Variants in RPRD2 observed in about 807,000 individuals in gnomAD.
RPRD2 encodes the protein regulation of nuclear pre-mRNA domain-containing protein 2.
In RPRD2, 12 loss-of-function variants were observed where a neutral mutation model predicts 104.4. The ratio of observed to expected loss-of-function variants is 0.11; its 90% CI spans 0.07 to 0.19. The LOEUF (loss-of-function observed/expected upper bound fraction) is 0.19. Ranked by LOEUF, RPRD2 falls within the 10% of genes least tolerant of loss-of-function variation. The pLI is 1.00. For missense variants in RPRD2, 1,543 were observed against 1,790.1 expected (o/e 0.86, Z 2.49); for synonymous variants, 714 against 684.9 (o/e 1.04, Z -0.66).
chr1:150,395,250 T>C (rs782619510), intron 1 of RPRD2, among the ~76,000 whole-genome samples: 3 of 152,292 alleles, frequency 2.0e-5, no homozygotes, highest in Non-Finnish European at 4.4e-5. Context: ...TGAGAACATA[T>C]GATGTTTGGT....
chr1:150,431,199 AT>A (rs1665543483), intron 2 of RPRD2, among the ~76,000 whole-genome samples: 1 of 152,174 alleles, frequency 6.6e-6, no homozygotes, highest in Non-Finnish European at 1.5e-5. Flanking sequence ...TCTTGTAGTA[AT>A]GTAAAATGGT....
At chr1:150,450,626 AAGTT>A (rs1667099843) in intron 7 of RPRD2, among the ~76,000 whole-genome samples, 4 of 142,082 alleles carry the variant, frequency 2.8e-5, no homozygotes, top group South Asian at 4.4e-4. Flanking sequence ...AAAAAAAAAA[AAGTT>A]ATTTATTTAG....
In RPRD2 at chr1:150,470,773, G is replaced by C; in HGVS notation, c.1825G>C (p.Ala609Pro). The C allele has an allele frequency of 6.2e-7, 1 of 1,613,988 alleles. No homozygotes were observed. Among genetic ancestry groups the C allele is most frequent in the Non-Finnish European group, 8.5e-7 (1 of 1,179,898 alleles). ...SEVSSTSASK[A>P]SIGQSPGLPS... ...AGTCTCTTCAACTTCAGCCAGCAAG[G>C]CCTCAATTGGGCAAAGCCCAGGGCT... The change falls in exon 11 of 11, where the codon GCC becomes CCC. Residue 609 changes from alanine (A) to proline (P), a missense_variant. Coordinates refer to ENST00000369068, the MANE Select transcript of RPRD2 (RefSeq NM_015203.5).
At position 150,473,409 on chromosome 1, in the gene RPRD2, T is replaced by G. The variant is rs1438953359; in HGVS notation, c.*75T>G. ...AGGAGTTTGGTTTATTGTTGTTGTT[T>G]TTATTTGTTTTCTCTTTCTCGATTT... On this transcript the variant is annotated 3_prime_UTR_variant, in exon 11 of 11. Coordinates refer to ENST00000369068, the MANE Select transcript of RPRD2 (RefSeq NM_015203.5). 7.1e-7 allele frequency: 1 copy of G among 1,413,296 alleles called. No homozygotes were observed. The highest frequency in any genetic ancestry group is 1.6e-5 in the South Asian group (1 of 63,622). The allele number at this position is 1,413,296 out of a possible 1,614,324, so 87.5% of individuals were successfully genotyped here.
chr1:150,408,270 T>G (rs1572413778), intron 1 of RPRD2, among the ~76,000 whole-genome samples: 1 of 146,784 alleles, frequency 6.8e-6, no homozygotes, highest in Non-Finnish European at 1.5e-5. Context: ...GTTCAAGCGA[T>G]TCTCCTGCCT....
rs587597121 is a variant in RPRD2 at position 150,459,686 on chromosome 1, G to A, written c.1154-374G>A. ...CGGCTCATTGCAACCTCTGCCTCCT[G>A]GGTTCAAGCGATTCTCGTGTCTCAG... On this transcript the variant is annotated intron_variant, in intron 8 of 10. Coordinates refer to ENST00000369068, the MANE Select transcript of RPRD2 (RefSeq NM_015203.5). Among the ~76,000 whole-genome samples the A allele has an allele frequency of 1.0e-4, 15 of 150,432 alleles. No individual in the cohort carries two copies. In the South Asian group the frequency reaches 3.1e-3, roughly 31 times the overall value.
At chr1:150,423,449 G>A (rs1249423405) in intron 2 of RPRD2, among the ~76,000 whole-genome samples, 1 of 152,034 alleles carries the variant, frequency 6.6e-6, no homozygotes, top group Non-Finnish European at 1.5e-5. Flanking sequence ...GCAATTATTT[G>A]TGCTTATACA....
At chr1:150,389,586 T>G (rs1413217321) in intron 1 of RPRD2, among the ~76,000 whole-genome samples, 1 of 152,214 alleles carries the variant, frequency 6.6e-6, no homozygotes, top group African/African-American at 2.4e-5. Context: ...CTGAGATAGT[T>G]TTTTTCAGAT....
intron 1 of RPRD2, among the ~76,000 whole-genome samples, chr1:150,391,875 T>C (rs1662099227): frequency 6.6e-6 from 1 of 151,840 alleles, no homozygotes. Context: ...ACCACTGCAC[T>C]CCAGCCTGGG....
intron 6 of RPRD2, 44 bp downstream of exon 6, chr1:150,444,421 T>C: frequency 6.3e-7 from 1 of 1,590,166 alleles, no homozygotes; most frequent in South Asian, 1.1e-5. Flanking sequence ...TTTCTTTCCA[T>C]ATGTGTCATT....
chr1:150,396,182 A>T (rs1331611767), intron 1 of RPRD2, among the ~76,000 whole-genome samples: 2 of 143,814 alleles, frequency 1.4e-5, no homozygotes, highest in South Asian at 2.2e-4. Context: ...TCACTTTTTG[A>T]TGGGATCGTC....
At chr1:150,422,898 G>A (rs1664864164) in intron 2 of RPRD2, among the ~76,000 whole-genome samples, 1 of 152,064 alleles carries the variant, frequency 6.6e-6, no homozygotes, top group Non-Finnish European at 1.5e-5. Context: ...AGGGAAAGTA[G>A]GACTTTCAGA....
At position 150,369,433 on chromosome 1, in the gene RPRD2, C is replaced by A. The variant is rs587636826; in HGVS notation, c.205+4514C>A. Among the ~76,000 whole-genome samples the A allele has an allele frequency of 1.6e-3, 235 of 144,054 alleles. 1 individual carries two copies. The highest frequency in any genetic ancestry group is 5.8e-3 in the African/African-American group (222 of 38,328). 94.5% of individuals were successfully genotyped at this position (144,054 alleles called of 152,430 possible). A position where few individuals can be genotyped will look rare whatever the true frequency, so the allele number is the denominator to read the frequency against. The stretch of plus-strand genomic sequence containing the variant: ...GAGTAGCTGGAACCATGCCACCACA[C>A]CTGGCTAATTTTTTTTTTTTTTTTT... On this transcript the variant is annotated intron_variant, in intron 1 of 10. Transcript: ENST00000369068.
At position 150,365,007 on chromosome 1, in the gene RPRD2, G is replaced by A. The variant is rs186648273; in HGVS notation, c.205+88G>A. 294 of 1,360,650 alleles carry A rather than the reference G, an allele frequency of 2.2e-4. No individual in the cohort carries two copies. In the African/African-American group the frequency reaches 3.6e-3, roughly 17 times the overall value. 84.3% of individuals were successfully genotyped at this position (1,360,650 alleles called of 1,614,324 possible). ...ACGCTTGGGGTTTTCCCACGGAGCC[G>A]CAGCATTTGGTTGGGGTTGTTCACA... On this transcript the variant is annotated intron_variant, in intron 1 of 10. Coordinates refer to ENST00000369068, the MANE Select transcript of RPRD2 (RefSeq NM_015203.5).
chr1:150,387,911 C>CTTT (rs1224608397), intron 1 of RPRD2, among the ~76,000 whole-genome samples: 2 of 116,966 alleles, frequency 1.7e-5, no homozygotes, highest in Non-Finnish European at 3.4e-5. Context: ...TTTTTCTTTT[C>CTTT]TCTTTTTTTT....
At position 150,376,684 on chromosome 1, in the gene RPRD2, T is replaced by C. The variant is rs782055867; in HGVS notation, c.205+11765T>C. On this transcript the variant is annotated intron_variant, in intron 1 of 10. Coordinates refer to ENST00000369068, the MANE Select transcript of RPRD2 (RefSeq NM_015203.5). ...CCCGGCTGATTTTTTGTATTTTTAG[T>C]AGAGAAGGGGTTTCACCGTGTTAGC... Among the ~76,000 whole-genome samples, 11 of 151,304 alleles carry C rather than the reference T, an allele frequency of 7.3e-5. 1 individual carries two copies. Among genetic ancestry groups the C allele is most frequent in the African/African-American group, 2.7e-4 (11 of 41,336 alleles).
chr1:150,474,714 C>G lies in RPRD2; in HGVS notation c.*1380C>G, dbSNP rs1273569497. ...CTACAATTTTTTTTTAATTTAGTGT[C>G]TTACCCCAAGGCATACTCAACTGAT... On this transcript the variant is annotated 3_prime_UTR_variant, in exon 11 of 11. Transcript: ENST00000369068. 1 of 152,046 alleles carries G rather than the reference C, an allele frequency of 6.6e-6. No individual in the cohort carries two copies. 9.4% of individuals were successfully genotyped at this position (152,046 alleles called of 1,614,324 possible).
chr1:150,424,580 G>C (rs12144091), intron 2 of RPRD2, among the ~76,000 whole-genome samples: 33,750 of 151,936 alleles, frequency 0.22, 4,264 homozygotes, highest in African/African-American at 0.32. Flanking sequence ...GCTACCGCAC[G>C]CGGCCCAGAT....
In RPRD2 at chr1:150,472,483, G is replaced by A. The variant is rs200264075; in HGVS notation, c.3535G>A (p.Gly1179Ser). 1.4e-4 allele frequency: 227 copies of A among 1,613,896 alleles called. No homozygotes were observed. The East Asian group carries it at 3.6e-3, about 25-fold the overall frequency. Residue 1179 changes from glycine (G) to serine (S), a missense_variant, in exon 11 of 11, where the codon GGC becomes AGC. Gly to Ser is a moderately conservative substitution (Grantham distance 56). Transcript: ENST00000369068. ...GGCACCTCAATTTCAGGAGAGTGTC[G>A]GCAGCTTTCGTTCCAACAGTTTCAA... Reference protein sequence around the residue: ...ERAPQFQESVGSFRSNSFNST... With the variant: ...ERAPQFQESVSSFRSNSFNST...
Sources: allele counts gnomAD v4.1 joint callset (sites outside exome capture counted in the v4.1 genomes callset), GRCh38; gene constraint gnomAD v4.1.1; transcripts MANE v1.5; gene names NCBI Gene and HGNC (gene_info 2026-07-23, HGNC 2026-07-21).